NAPB: variants seen among roughly 807,000 people sequenced by gnomAD.
NAPB encodes the protein beta-soluble NSF attachment protein.
A neutral mutation model predicts 44.7 loss-of-function variants in NAPB; 26 were observed. The ratio of observed to expected loss-of-function variants is 0.58; its 90% CI spans 0.43 to 0.81. The LOEUF (loss-of-function observed/expected upper bound fraction) is 0.81, where lower values mean the gene tolerates loss of function less well. Among genes scored for constraint, NAPB ranks in the 30% least tolerant of loss-of-function variants. The pLI is 0.00. For missense variants in NAPB, 315 were observed against 356.4 expected (o/e 0.88, Z 0.94); for synonymous variants, 120 against 116.8 (o/e 1.03, Z -0.18).
In NAPB at chr20:23,418,147, T is replaced by A. The variant is rs150724933; in HGVS notation, c.98+3158A>T. Among the ~76,000 whole-genome samples the A allele has an allele frequency of 1.3e-3, 203 of 152,340 alleles. 1 individual carries two copies. The highest frequency in any genetic ancestry group is 4.4e-3 in the African/African-American group (185 of 41,590). On this transcript the variant is annotated intron_variant, in intron 1 of 10. Transcript: ENST00000377026. ...CTGAAAACAGATGGCTTATCCTCTTTAAAGCACCAGCTAGTCAGCTCTTAA... is the reference window on the plus strand; with the variant it reads ...CTGAAAACAGATGGCTTATCCTCTTAAAAGCACCAGCTAGTCAGCTCTTAA...
chr20:23,407,379 T>C (rs1002874833), intron 1 of NAPB, among the ~76,000 whole-genome samples: 10 of 152,198 alleles, frequency 6.6e-5, no homozygotes, highest in Non-Finnish European at 1.2e-4. Context: ...GGAATCCATA[T>C]TACGCAGCAA....
intron 7 of NAPB, among the ~76,000 whole-genome samples, chr20:23,382,581 A>G (rs1983101793): frequency 2.6e-5 from 4 of 152,162 alleles, no homozygotes. Flanking sequence ...GAAAAATGGA[A>G]AGCATCCACA....
chr20:23,387,579 C>G (rs1983620271), intron 7 of NAPB, among the ~76,000 whole-genome samples: 1 of 151,944 alleles, frequency 6.6e-6, no homozygotes, highest in Non-Finnish European at 1.5e-5. Flanking sequence ...AACTGTATTT[C>G]TATACACTAG....
At chr20:23,407,777 C>T (rs1443747549) in intron 1 of NAPB, among the ~76,000 whole-genome samples, 1 of 152,204 alleles carries the variant, frequency 6.6e-6, no homozygotes, top group Non-Finnish European at 1.5e-5. Flanking sequence ...CCTGAGGAAA[C>T]ATTGTCAAAG....
Position 23,411,153 on chromosome 20 carries a change from A to T in NAPB, c.99-8081T>A, listed in dbSNP as rs78025646. On this transcript the variant is annotated intron_variant, in intron 1 of 10. Transcript: ENST00000377026. ...AGGGGAAGAAAAAACCCATTTTCACAATCTGAGAAAATTTTCTGGAAACAA... is the reference window on the plus strand; with the variant it reads ...AGGGGAAGAAAAAACCCATTTTCACTATCTGAGAAAATTTTCTGGAAACAA... Among the ~76,000 whole-genome samples the T allele has an allele frequency of 4.2e-3, 637 of 152,330 alleles. 4 individuals are homozygous for T. Among genetic ancestry groups the T allele is most frequent in the African/African-American group, 0.013 (556 of 41,570 alleles).
intron 1 of NAPB, among the ~76,000 whole-genome samples, chr20:23,419,168 G>A (rs1301035413): frequency 1.3e-5 from 2 of 152,066 alleles, no homozygotes; most frequent in South Asian, 4.1e-4. Context: ...TATTGTCTCC[G>A]TTTTATACAC....
intron 5 of NAPB, among the ~76,000 whole-genome samples, chr20:23,393,975 C>A (rs569196915): frequency 3.3e-4 from 50 of 152,198 alleles, no homozygotes; most frequent in Non-Finnish European, 6.0e-4. Flanking sequence ...GATGGCCATG[C>A]AGGGTATGCA....
intron 1 of NAPB, among the ~76,000 whole-genome samples, chr20:23,421,095 G>A (rs1986387483): frequency 6.6e-6 from 1 of 151,660 alleles, no homozygotes; most frequent in African/African-American, 2.4e-5. Flanking sequence ...GAGGGCGCGT[G>A]CGGACTGAGG....
At chr20:23,392,558 T>C (rs900886626) in intron 5 of NAPB, among the ~76,000 whole-genome samples, 1 of 152,106 alleles carries the variant, frequency 6.6e-6, no homozygotes, top group African/African-American at 2.4e-5. Flanking sequence ...CTCAGCTACT[T>C]GGAAGGCTGA....
chr20:23,397,593 T>C (rs191628392), intron 2 of NAPB, among the ~76,000 whole-genome samples: 2 of 130,362 alleles, frequency 1.5e-5, no homozygotes, highest in Non-Finnish European at 3.0e-5. Context: ...CTCACTTTTC[T>C]ATCTTAGTGT....
At chr20:23,421,007 A>C (rs1986377495) in intron 1 of NAPB, among the ~76,000 whole-genome samples, 1 of 145,650 alleles carries the variant, frequency 6.9e-6, no homozygotes, top group African/African-American at 2.6e-5. Context: ...GGGGGTCTCT[A>C]AAGTGCGCGT....
At chr20:23,417,558 T>A (rs1986094574) in intron 1 of NAPB, among the ~76,000 whole-genome samples, 1 of 152,200 alleles carries the variant, frequency 6.6e-6, no homozygotes, top group Non-Finnish European at 1.5e-5. Flanking sequence ...ATTAACATTA[T>A]AAACTGGAAT....
At chr20:23,384,621 C>CA (rs1234991660) in intron 7 of NAPB, among the ~76,000 whole-genome samples, 16 of 136,204 alleles carry the variant, frequency 1.2e-4, no homozygotes, top group South Asian at 2.3e-4. Flanking sequence ...GACCCAGTCT[C>CA]AAAAAAAAAG....
At chr20:23,405,475 G>A (rs553071233) in intron 1 of NAPB, among the ~76,000 whole-genome samples, 14 of 152,102 alleles carry the variant, frequency 9.2e-5, no homozygotes, top group South Asian at 4.2e-4. Flanking sequence ...TAATCCCAGC[G>A]CTTTGGGAGG....
At position 23,411,695 on chromosome 20, in the gene NAPB, A is replaced by AT. The variant is rs1373472976; in HGVS notation, c.99-8624dup. 5.9e-5 allele frequency among the ~76,000 whole-genome samples: 9 copies of AT among 152,224 alleles called. 1 individual carries two copies. The highest frequency in any genetic ancestry group is 2.2e-4 in the African/African-American group (9 of 41,460). On this transcript the variant is annotated intron_variant, in intron 1 of 10. Coordinates refer to ENST00000377026, the MANE Select transcript of NAPB (RefSeq NM_022080.3). ...GTAGAACGTGCTCACTGAGAAGCAC[A>AT]TAGGTAACAGGAGTTTTCTGGAGTG...
At chr20:23,379,330 G>C in intron 10 of NAPB, 115 bp downstream of exon 10, 1 of 736,648 alleles carries the variant, frequency 1.4e-6, no homozygotes, top group Non-Finnish European at 2.2e-6. Context: ...TACAACTTAA[G>C]GTATGCTGGA....
chr20:23,420,622 T>C (rs1201017069), intron 1 of NAPB, among the ~76,000 whole-genome samples: 1 of 151,994 alleles, frequency 6.6e-6, no homozygotes, highest in African/African-American at 2.4e-5. Flanking sequence ...GATACGGGCT[T>C]CAGCGTGGCG....
intron 1 of NAPB, among the ~76,000 whole-genome samples, chr20:23,413,854 A>T (rs927403077): frequency 1.3e-5 from 2 of 152,080 alleles, no homozygotes; most frequent in Non-Finnish European, 2.9e-5. Context: ...CAAAAGCCCC[A>T]ATGGTTTCAC....
rs562861687 is a variant in NAPB at position 23,421,366 on chromosome 20, G to A, written c.37C>T (p.Leu13=). 40 of 1,557,796 alleles carry A rather than the reference G, an allele frequency of 2.6e-5. No homozygotes were observed. Among genetic ancestry groups the A allele is most frequent in the Non-Finnish European group, 3.3e-5 (38 of 1,150,916 alleles). The change falls in exon 1 of 11, where the codon CTG becomes TTG. Residue 13 remains leucine, a synonymous_variant. Transcript: ENST00000377026. ...ACTCGCTTCTCGGCCTCCGCCATCA[G>A]CTGTACTGCCTCACGCTCCTTCCCC... is the stretch of plus-strand genomic sequence containing the variant. The part of the protein sequence containing the change: ...NAGKEREAVQ[L]MAEAEKRVKA...
Sources: allele counts gnomAD v4.1 joint callset (sites outside exome capture counted in the v4.1 genomes callset), GRCh38; gene constraint gnomAD v4.1.1; transcripts MANE v1.5; gene names NCBI Gene and HGNC (gene_info 2026-07-23, HGNC 2026-07-21).